GSTCD: variants seen among roughly 807,000 people sequenced by gnomAD.
GSTCD encodes the protein glutathione S-transferase C-terminal domain-containing protein.
Under a neutral mutation model 68.3 loss-of-function variants are expected in GSTCD, and 44 were observed. That is an observed-to-expected ratio of 0.64 (90% CI 0.51 to 0.83). The LOEUF is 0.83. Ranked by LOEUF, GSTCD falls within the 40% of genes least tolerant of loss-of-function variation. The pLI is 0.00. For missense variants in GSTCD, 739 were observed against 735.9 expected (o/e 1.00, Z -0.05); for synonymous variants, 273 against 255.2 (o/e 1.07, Z -0.67).
chr4:105,810,225 A>C (rs1454145867), intron 5 of GSTCD, among the ~76,000 whole-genome samples: 1 of 152,128 alleles, frequency 6.6e-6, no homozygotes, highest in East Asian at 1.9e-4. Flanking sequence ...TTAACTCACC[A>C]ACATCGCCCT....
intron 5 of GSTCD, among the ~76,000 whole-genome samples, chr4:105,739,339 G>T (rs1350622152): frequency 6.6e-6 from 1 of 152,034 alleles, no homozygotes; most frequent in African/African-American, 2.4e-5. Flanking sequence ...CTGTATTCTT[G>T]TCTAGTTTTT....
At chr4:105,819,891 A>C (rs1180917235) in intron 5 of GSTCD, among the ~76,000 whole-genome samples, 2 of 151,616 alleles carry the variant, frequency 1.3e-5, no homozygotes, top group Non-Finnish European at 3.0e-5. Flanking sequence ...TAAAAAAAAA[A>C]CACACAGAAT....
chr4:105,782,837 T>G (rs1735331609), intron 5 of GSTCD, among the ~76,000 whole-genome samples: 1 of 152,224 alleles, frequency 6.6e-6, no homozygotes, highest in Admixed American at 6.5e-5. Context: ...TTTTTTGTCT[T>G]AATTCATATG....
intron 5 of GSTCD, among the ~76,000 whole-genome samples, chr4:105,741,533 CAG>C (rs1183327030): frequency 1.3e-5 from 2 of 152,182 alleles, no homozygotes; most frequent in Admixed American, 6.5e-5. Flanking sequence ...GAAATGAAAA[CAG>C]AGTTTTCTAA....
At chr4:105,785,875 G>A (rs2098571) in intron 5 of GSTCD, among the ~76,000 whole-genome samples, 139,302 of 152,250 alleles carry the variant, frequency 0.91, 63,746 homozygotes, top group East Asian at 0.96. Context: ...CTGAAAAACT[G>A]TTACAATTAC....
intron 2 of GSTCD, 42 bp downstream of exon 2, chr4:105,718,081 T>G: frequency 6.9e-7 from 1 of 1,443,724 alleles, no homozygotes; most frequent in Non-Finnish European, 9.4e-7. Flanking sequence ...AGCTACACAG[T>G]GATAACATAA....
At chr4:105,762,245 G>A (rs1734438202) in intron 5 of GSTCD, among the ~76,000 whole-genome samples, 1 of 152,072 alleles carries the variant, frequency 6.6e-6, no homozygotes, top group Non-Finnish European at 1.5e-5. Flanking sequence ...ATAATAATAG[G>A]TTATATATTT....
chr4:105,709,572 T>G (rs1309806722), intron 1 of GSTCD, among the ~76,000 whole-genome samples: 1 of 152,242 alleles, frequency 6.6e-6, no homozygotes. Context: ...TTAATTTGCA[T>G]GAAAGTTGCT....
intron 5 of GSTCD, among the ~76,000 whole-genome samples, chr4:105,815,551 C>T (rs543771704): frequency 1.3e-5 from 2 of 152,098 alleles, no homozygotes; most frequent in Middle Eastern, 3.4e-3. Context: ...CAGATCATAG[C>T]GGACATTAGA....
At position 105,804,447 on chromosome 4, in the gene GSTCD, G is replaced by T. The variant is rs181977597; in HGVS notation, c.1241-18507G>T. Among the ~76,000 whole-genome samples, 911 of 152,078 alleles carry T rather than the reference G, an allele frequency of 6.0e-3. 5 individuals carry two copies. The highest frequency in any genetic ancestry group is 0.011 in the Non-Finnish European group (733 of 67,960). Reference sequence around the variant, plus strand: ...CATTGTGTTAAATTTTAGAGAAAGCGTCACCTAATTCAGAGGATTTATATG... The same window carrying T: ...CATTGTGTTAAATTTTAGAGAAAGCTTCACCTAATTCAGAGGATTTATATG... On this transcript the variant is annotated intron_variant, in intron 5 of 11. Coordinates refer to ENST00000515279, the MANE Select transcript of GSTCD (RefSeq NM_001370181.1).
At chr4:105,808,877 C>T (rs1241251853) in intron 5 of GSTCD, among the ~76,000 whole-genome samples, 1 of 152,110 alleles carries the variant, frequency 6.6e-6, no homozygotes. Flanking sequence ...GTGTACACTA[C>T]TAGCCTGATG....
chr4:105,730,042 T>C (rs965591577), intron 5 of GSTCD, among the ~76,000 whole-genome samples: 1 of 152,230 alleles, frequency 6.6e-6, no homozygotes, highest in Non-Finnish European at 1.5e-5. Context: ...GGTTTCCAGC[T>C]TCACCCATGT....
chr4:105,779,179 T>C (rs1735185371), intron 5 of GSTCD, among the ~76,000 whole-genome samples: 1 of 152,314 alleles, frequency 6.6e-6, no homozygotes, highest in Non-Finnish European at 1.5e-5. Context: ...GTCACATCTC[T>C]CTGGTTCTCT....
At chr4:105,778,871 C>A (rs959452935) in intron 5 of GSTCD, among the ~76,000 whole-genome samples, 2 of 152,052 alleles carry the variant, frequency 1.3e-5, no homozygotes, top group Non-Finnish European at 2.9e-5. Context: ...AACATTTTGA[C>A]ATCTTTACTT....
rs1664090050 is a variant in GSTCD, at chr4:105,845,791, T to A, written c.*214T>A. ...GTGTGATTAAAGGACTGCTGGTTTTTATAGTGAGAATCCCCTGAAGTCTCA... is the reference window on the plus strand; with the variant it reads ...GTGTGATTAAAGGACTGCTGGTTTTAATAGTGAGAATCCCCTGAAGTCTCA... On this transcript the variant is annotated 3_prime_UTR_variant, in exon 12 of 12. Transcript: ENST00000515279. The A allele has an allele frequency of 1.9e-6, 1 of 528,460 alleles. No individual in the cohort carries two copies. The highest frequency in any genetic ancestry group is 3.1e-5 in the Admixed American group (1 of 32,272). 32.7% of individuals were successfully genotyped at this position (528,460 alleles called of 1,614,324 possible). A position where few individuals can be genotyped will look rare whatever the true frequency, so the allele number is the denominator to read the frequency against.
intron 8 of GSTCD, 72 bp from the exon 9 acceptor site, chr4:105,834,389 A>G: frequency 1.4e-6 from 2 of 1,470,192 alleles, no homozygotes; most frequent in Non-Finnish European, 1.9e-6. Context: ...AATGAGAACT[A>G]TTTAAAAGGC....
At chr4:105,776,945 T>A (rs1253875990) in intron 5 of GSTCD, among the ~76,000 whole-genome samples, 1 of 152,214 alleles carries the variant, frequency 6.6e-6, no homozygotes, top group Admixed American at 6.5e-5. Context: ...TATTACTTTA[T>A]AACTACCTGC....
chr4:105,717,945 A>G lies in GSTCD; in HGVS notation c.332A>G (p.His111Arg), dbSNP rs751003984. Residue 111 changes from histidine to arginine, a missense_variant, in exon 2 of 12, where the codon CAC becomes CGC. Coordinates refer to ENST00000515279, the MANE Select transcript of GSTCD (RefSeq NM_001370181.1). ...CRAGLAVVLR[H>R]IIQKSYEADP... ...GCAGGACTTGCTGTTGTATTGAGAC[A>G]CATAATCCAGAAATCCTATGAAGCA... 6.2e-7 allele frequency: 1 copy of G among 1,614,106 alleles called. No individual in the cohort carries two copies. The highest frequency in any genetic ancestry group is 1.1e-5 in the South Asian group (1 of 91,090).
chr4:105,730,942 T>C (rs966291449), intron 5 of GSTCD, among the ~76,000 whole-genome samples: 2 of 152,156 alleles, frequency 1.3e-5, no homozygotes, highest in African/African-American at 4.8e-5. Flanking sequence ...AGGGATCGAG[T>C]TTCAGCTTTC....
Sources: allele counts gnomAD v4.1 joint callset (sites outside exome capture counted in the v4.1 genomes callset), GRCh38; gene constraint gnomAD v4.1.1; transcripts MANE v1.5; gene names NCBI Gene and HGNC (gene_info 2026-07-23, HGNC 2026-07-21).